Variants in LUZP2 observed in about 807,000 individuals in gnomAD.
LUZP2 encodes the protein leucine zipper protein 2.
A neutral mutation model predicts 51.6 loss-of-function variants in LUZP2; 52 were observed. The ratio of observed to expected loss-of-function variants is 1.01; its 90% confidence interval spans 0.81 to 1.27. The LOEUF (loss-of-function observed/expected upper bound fraction) is 1.27. Ranked by LOEUF, LUZP2 falls within the 50% of genes most tolerant of loss-of-function variation. LUZP2 has a pLI of 0.00. For missense variants in LUZP2, 436 were observed against 395.4 expected (o/e 1.10, Z -0.87); for synonymous variants, 154 against 137.3 (o/e 1.12, Z -0.85).
intron 1 of LUZP2, among the ~76,000 whole-genome samples, chr11:24,686,442 T>C (rs1366784681): frequency 2.0e-5 from 3 of 152,172 alleles, no homozygotes; most frequent in Admixed American, 6.5e-5. Flanking sequence ...AAAGCCACCT[T>C]AAATATGTCC....
At chr11:24,739,116 G>C (rs970643309) in intron 4 of LUZP2, among the ~76,000 whole-genome samples, 1 of 152,032 alleles carries the variant, frequency 6.6e-6, no homozygotes, top group African/African-American at 2.4e-5. Context: ...CCACAGAGGG[G>C]CCACACGGGG....
chr11:24,844,810 T>C (rs1333335828), intron 5 of LUZP2, among the ~76,000 whole-genome samples: 1 of 152,190 alleles, frequency 6.6e-6, no homozygotes, highest in Non-Finnish European at 1.5e-5. Flanking sequence ...CCCCAAGTCT[T>C]GGCAGCTTCC....
At position 24,998,980 on chromosome 11, in the gene LUZP2, C is replaced by A. The variant is rs190687669; in HGVS notation, c.765+15687C>A. Among the ~76,000 whole-genome samples the A allele has an allele frequency of 2.0e-3, 308 of 152,182 alleles. 2 individuals are homozygous for A. The highest frequency in any genetic ancestry group is 7.1e-3 in the African/African-American group (295 of 41,562). On this transcript the variant is annotated intron_variant, in intron 9 of 11. Coordinates refer to ENST00000336930, the MANE Select transcript of LUZP2 (RefSeq NM_001009909.4). ...GCTGTCTGTTAGAAGTCATCACCAC[C>A]ATTTTCCTTCAGGTTATTCCTAGTT...
intron 9 of LUZP2, among the ~76,000 whole-genome samples, chr11:25,000,207 C>T (rs1002785827): frequency 2.6e-5 from 4 of 152,114 alleles, no homozygotes; most frequent in Admixed American, 2.6e-4. Context: ...CTGATTGGTG[C>T]ATTTACAATA....
chr11:24,713,683 GTTTTTT>G (rs374748977), intron 1 of LUZP2, among the ~76,000 whole-genome samples: 7 of 89,690 alleles, frequency 7.8e-5, no homozygotes, highest in Non-Finnish European at 1.2e-4. Context: ...GTGAGAATCT[GTTTTTT>G]TTTTTTTTTT....
At chr11:24,618,611 C>T (rs1360084471) in intron 1 of LUZP2, among the ~76,000 whole-genome samples, 1 of 152,136 alleles carries the variant, frequency 6.6e-6, no homozygotes, top group African/African-American at 2.4e-5. Flanking sequence ...TAAGTTGTAT[C>T]TTCTTCAATT....
chr11:24,537,270 T>C (rs1204501395), intron 1 of LUZP2, among the ~76,000 whole-genome samples: 1 of 151,912 alleles, frequency 6.6e-6, no homozygotes, highest in African/African-American at 2.4e-5. Flanking sequence ...CTACAAACTT[T>C]CAATTTTTAA....
At chr11:25,069,415 G>T (rs1859089397) in intron 10 of LUZP2, among the ~76,000 whole-genome samples, 1 of 151,750 alleles carries the variant, frequency 6.6e-6, no homozygotes, top group Admixed American at 6.6e-5. Context: ...TCAGCATCTG[G>T]TACATAACAG....
At chr11:24,741,863 GTA>G (rs959656085) in intron 4 of LUZP2, among the ~76,000 whole-genome samples, 135 of 129,676 alleles carry the variant, frequency 1.0e-3, no homozygotes, top group African/African-American at 3.8e-3. Context: ...ATATATAAAT[GTA>G]TATATATTTA....
At chr11:24,570,704 T>C (rs1590193500) in intron 1 of LUZP2, among the ~76,000 whole-genome samples, 1 of 152,108 alleles carries the variant, frequency 6.6e-6, no homozygotes, top group African/African-American at 2.4e-5. Flanking sequence ...TTCTTATGAT[T>C]TGCAGTCTCT....
intron 1 of LUZP2, among the ~76,000 whole-genome samples, chr11:24,581,124 C>T (rs1210698934): frequency 6.6e-6 from 1 of 151,096 alleles, no homozygotes; most frequent in Non-Finnish European, 1.5e-5. Context: ...ATATAGAAAG[C>T]CTAGCACCAT....
intron 9 of LUZP2, among the ~76,000 whole-genome samples, chr11:24,995,395 G>T (rs1203763570): frequency 1.3e-5 from 2 of 151,878 alleles, no homozygotes; most frequent in African/African-American, 4.8e-5. Flanking sequence ...CTTGTCCTCA[G>T]AAAATAAAAA....
intron 1 of LUZP2, among the ~76,000 whole-genome samples, chr11:24,594,948 G>C (rs1337811577): frequency 1.3e-5 from 2 of 151,426 alleles, no homozygotes; most frequent in African/African-American, 2.4e-5. Flanking sequence ...TTTTAGTAGA[G>C]GCGGGGTTTC....
At chr11:24,858,281 A>G (rs1851630346) in intron 5 of LUZP2, among the ~76,000 whole-genome samples, 1 of 152,162 alleles carries the variant, frequency 6.6e-6, no homozygotes, top group South Asian at 2.1e-4. Context: ...TTCTCATTAC[A>G]GAATGGAAAA....
intron 1 of LUZP2, among the ~76,000 whole-genome samples, chr11:24,644,319 A>G (rs1212087434): frequency 6.6e-6 from 1 of 152,118 alleles, no homozygotes; most frequent in African/African-American, 2.4e-5. Context: ...AATGGCCTAC[A>G]AGAACAGCAT....
intron 9 of LUZP2, among the ~76,000 whole-genome samples, chr11:25,043,813 A>C (rs1389346407): frequency 6.8e-6 from 1 of 147,698 alleles, no homozygotes; most frequent in Non-Finnish European, 1.5e-5. Flanking sequence ...ACATTATGTA[A>C]AAAGTACATA....
chr11:25,008,116 G>C (rs1290861461), intron 9 of LUZP2, among the ~76,000 whole-genome samples: 1 of 152,214 alleles, frequency 6.6e-6, no homozygotes, highest in Non-Finnish European at 1.5e-5. Flanking sequence ...GCTTGGCTCA[G>C]TTCTGGGTTG....
intron 10 of LUZP2, among the ~76,000 whole-genome samples, chr11:25,052,725 T>C (rs918345704): frequency 6.6e-5 from 10 of 152,274 alleles, no homozygotes; most frequent in African/African-American, 2.4e-4. Flanking sequence ...CTTTATTGAG[T>C]GTCCAAACTG....
intron 4 of LUZP2, among the ~76,000 whole-genome samples, chr11:24,761,261 T>A (rs372087375): frequency 6.6e-6 from 1 of 152,056 alleles, no homozygotes; most frequent in African/African-American, 2.4e-5. Flanking sequence ...CAGCTTCACA[T>A]GGGCAGAACA....
Sources: allele counts gnomAD v4.1 joint callset (sites outside exome capture counted in the v4.1 genomes callset), GRCh38; gene constraint gnomAD v4.1.1; transcripts MANE v1.5; gene names NCBI Gene and HGNC (gene_info 2026-07-23, HGNC 2026-07-21).